Variants in EPHA5 observed in about 807,000 individuals in gnomAD.
EPHA5 encodes the protein ephrin type-A receptor 5.
Under a neutral mutation model 105.0 loss-of-function variants are expected in EPHA5, and 60 were observed. The observed-to-expected ratio is 0.57, with a 90% CI of 0.46 to 0.71. The LOEUF is 0.71. Among genes scored for constraint, EPHA5 ranks in the 30% least tolerant of loss-of-function variants. EPHA5 has a pLI of 0.00. For missense variants in EPHA5, 1,218 were observed against 1,274.7 expected, an observed-to-expected ratio of 0.96 and a Z score of 0.68; for synonymous variants, 513 against 449.1, an observed-to-expected ratio of 1.14 and a Z score of -1.80.
chr4:65,580,263 C>G (rs960073806), intron 3 of EPHA5, among the ~76,000 whole-genome samples: 1 of 151,528 alleles, frequency 6.6e-6, no homozygotes, highest in Non-Finnish European at 1.5e-5. Context: ...ACTACAGAAC[C>G]AAACAATTTT....
chr4:65,622,870 A>G (rs1449567560), intron 2 of EPHA5, among the ~76,000 whole-genome samples: 1 of 152,082 alleles, frequency 6.6e-6, no homozygotes, highest in African/African-American at 2.4e-5. Flanking sequence ...TTAAACCTCA[A>G]GCTCACTTAA....
intron 1 of EPHA5, among the ~76,000 whole-genome samples, chr4:65,662,344 T>C (rs1478559656): frequency 1.3e-5 from 2 of 152,180 alleles, no homozygotes; most frequent in Admixed American, 6.6e-5. Context: ...TTTAATTTTT[T>C]TTATTTTTTA....
intron 5 of EPHA5, among the ~76,000 whole-genome samples, chr4:65,486,998 G>C (rs907301983): frequency 3.9e-5 from 6 of 152,112 alleles, no homozygotes; most frequent in Admixed American, 6.6e-5. Flanking sequence ...CACCTTCCCT[G>C]TCTCTTGTAT....
intron 3 of EPHA5, among the ~76,000 whole-genome samples, chr4:65,568,426 T>C (rs891336029): frequency 4.6e-5 from 7 of 151,488 alleles, no homozygotes; most frequent in Non-Finnish European, 1.0e-4. Context: ...TCACAATTTG[T>C]TATAAAATAT....
At chr4:65,463,258 A>G (rs1179522856) in intron 5 of EPHA5, among the ~76,000 whole-genome samples, 1 of 152,136 alleles carries the variant, frequency 6.6e-6, no homozygotes, top group Non-Finnish European at 1.5e-5. Flanking sequence ...TGACTCTTTA[A>G]TTGGGTATTT....
At position 65,397,659 on chromosome 4, in the gene EPHA5, C is replaced by A. The variant is rs142834974; in HGVS notation, c.1793+6715G>T. Among the ~76,000 whole-genome samples the A allele has an allele frequency of 3.0e-4, 45 of 151,788 alleles. 1 individual carries two copies. The East Asian group carries it at 8.0e-3, about 27-fold the overall frequency. On this transcript the variant is annotated intron_variant, in intron 8 of 16. Coordinates refer to ENST00000613740, the MANE Select transcript of EPHA5 (RefSeq NM_001281766.3). ...TCTTTGTATAATACTCACACTTGAT[C>A]CATGCACACTTAACCTCCTTGTAAA... is the stretch of plus-strand genomic sequence containing the variant.
Position 65,323,580 on chromosome 4 carries a change from G to C in EPHA5, c.*534C>G, listed in dbSNP as rs925877983. ...TACACACTAGTTTCTATAACTTAAC[G>C]CTGTGTAACAGCATTTTAAAATTAC... On this transcript the variant is annotated 3_prime_UTR_variant, in exon 17 of 17. Coordinates refer to ENST00000613740, the MANE Select transcript of EPHA5 (RefSeq NM_001281766.3). 1.3e-5 allele frequency: 3 copies of C among 229,788 alleles called. No individual in the cohort carries two copies. The highest frequency in any genetic ancestry group is 2.2e-5 in the African/African-American group (1 of 45,066). The allele number at this position is 229,788 out of a possible 1,614,324, so 14.2% of individuals were successfully genotyped here.
chr4:65,483,323 G>A (rs374967640), intron 5 of EPHA5, among the ~76,000 whole-genome samples: 84 of 152,244 alleles, frequency 5.5e-4, no homozygotes, highest in African/African-American at 1.9e-3. Flanking sequence ...ATAAACATAC[G>A]TGTGCATGTG....
At chr4:65,656,953 G>GTT (rs564679940) in intron 1 of EPHA5, among the ~76,000 whole-genome samples, 8,706 of 143,678 alleles carry the variant, frequency 0.061, 458 homozygotes, top group African/African-American at 0.13. Flanking sequence ...ACGTGTGTGT[G>GTT]TTTTTTTTTT....
chr4:65,616,088 G>A (rs1020975642), intron 2 of EPHA5, among the ~76,000 whole-genome samples: 2 of 151,582 alleles, frequency 1.3e-5, no homozygotes, highest in African/African-American at 4.8e-5. Flanking sequence ...TATATATCAT[G>A]GAATACGACT....
intron 8 of EPHA5, among the ~76,000 whole-genome samples, chr4:65,401,302 T>A (rs1443829456): frequency 1.3e-5 from 2 of 152,080 alleles, no homozygotes; most frequent in Admixed American, 1.3e-4. Context: ...GCAGGGTGAG[T>A]TATATTTAAT....
intron 1 of EPHA5, among the ~76,000 whole-genome samples, chr4:65,658,419 T>A (rs963725714): frequency 6.6e-6 from 1 of 152,088 alleles, no homozygotes; most frequent in Non-Finnish European, 1.5e-5. Context: ...AAGGGCTGCT[T>A]GAGCTATTGA....
chr4:65,522,316 G>GTATATATATATATATATATACATATATA (rs58851174), intron 3 of EPHA5, among the ~76,000 whole-genome samples: 9 of 142,860 alleles, frequency 6.3e-5, no homozygotes, highest in African/African-American at 2.1e-4. Context: ...ATATATATAT[G>GTATATATATATATATATATACATATATA]TATATATATA....
Position 65,367,425 on chromosome 4 carries a change from C to CT in EPHA5, c.1794-2dup. 1 of 1,611,978 alleles carries CT rather than the reference C, an allele frequency of 6.2e-7. No individual in the cohort carries two copies. The highest frequency in any genetic ancestry group is 8.5e-7 in the Non-Finnish European group (1 of 1,179,056). On this transcript the variant is annotated splice_acceptor_variant, in intron 8 of 16. Coordinates refer to ENST00000613740, the MANE Select transcript of EPHA5 (RefSeq NM_001281766.3). LOFTEE classifies it high-confidence loss of function. ...TTTTGCTTTGCTGTAGCCACACCGC[C>CT]TGGAACAAAGTAAGCTAGAATTAGC...
At chr4:65,386,771 T>C (rs1360651258) in intron 8 of EPHA5, among the ~76,000 whole-genome samples, 2 of 152,014 alleles carry the variant, frequency 1.3e-5, no homozygotes, top group African/African-American at 4.8e-5. Flanking sequence ...CTTAAATATA[T>C]ATGGCAAAAT....
intron 2 of EPHA5, among the ~76,000 whole-genome samples, chr4:65,628,895 A>G (rs1746385736): frequency 6.6e-6 from 1 of 152,132 alleles, no homozygotes; most frequent in African/African-American, 2.4e-5. Flanking sequence ...TTTTTTTCTA[A>G]CAGCCTTGGC....
At chr4:65,561,102 G>A (rs537777489) in intron 3 of EPHA5, among the ~76,000 whole-genome samples, 5 of 151,300 alleles carry the variant, frequency 3.3e-5, no homozygotes, top group East Asian at 1.9e-4. Flanking sequence ...TTCTATCCCC[G>A]ATAGGCTAGA....
At chr4:65,379,114 T>C (rs961583787) in intron 8 of EPHA5, among the ~76,000 whole-genome samples, 12 of 151,890 alleles carry the variant, frequency 7.9e-5, no homozygotes, top group African/African-American at 2.9e-4. Flanking sequence ...GGGAAAACAA[T>C]AACTGCATCG....
Position 65,490,413 on chromosome 4 carries a change from G to A in EPHA5, c.1366C>T (p.Gln456Ter), listed in dbSNP as rs2149212200. The change falls in exon 5 of 17, where the codon CAG (glutamine) becomes TAG (stop). Residue 456 changes from glutamine to a stop codon, truncating the protein, a stop_gained. Transcript: ENST00000613740. LOFTEE classifies it high-confidence loss of function. ...GTGGTTACATTTACAGACACATACT[G>A]CCGGGCTCCTGGGCTCAAGTCGGAC... ...GVSDLSPGAR[Q>*]YVSVNVTTNQ... 1 of 1,614,074 alleles carries A rather than the reference G, an allele frequency of 6.2e-7. No individual in the cohort carries two copies. Among genetic ancestry groups the A allele is most frequent in the Non-Finnish European group, 8.5e-7 (1 of 1,180,002 alleles).
Sources: allele counts gnomAD v4.1 joint callset (sites outside exome capture counted in the v4.1 genomes callset), GRCh38; gene constraint gnomAD v4.1.1; transcripts MANE v1.5; gene names NCBI Gene and HGNC (gene_info 2026-07-23, HGNC 2026-07-21).